The following LRRIQ1 variants were observed in gnomAD, a reference collection of about 807,000 sequenced individuals.
LRRIQ1 encodes the protein leucine-rich repeat- and IQ domain-containing protein 1.
In LRRIQ1, 210 loss-of-function variants were observed where a neutral mutation model predicts 211.9. The observed-to-expected ratio is 0.99, with a 90% CI of 0.89 to 1.11. The LOEUF is 1.11. LRRIQ1 is among the 50% of genes most tolerant of loss of function. LRRIQ1 has a pLI of 0.00. For missense variants in LRRIQ1, 2,136 were observed against 1,939.5 expected, an observed-to-expected ratio of 1.10 and a Z score of -1.90; for synonymous variants, 699 against 650.1, an observed-to-expected ratio of 1.08 and a Z score of -1.14.
chr12:85,126,135 G>T (rs905701356), intron 17 of LRRIQ1, among the ~76,000 whole-genome samples: 22 of 152,142 alleles, frequency 1.4e-4, no homozygotes, highest in Admixed American at 7.2e-4. Context: ...AAACCATAAA[G>T]TCAGCTTCTT....
intron 24 of LRRIQ1, among the ~76,000 whole-genome samples, chr12:85,165,724 C>A (rs1429448691): frequency 6.6e-6 from 1 of 152,098 alleles, no homozygotes; most frequent in East Asian, 1.9e-4. Context: ...CCGCCTTGGC[C>A]TCCCAAAGTG....
chr12:85,259,521 T>A (rs1034690422), intron 1 of LRRIQ1, among the ~76,000 whole-genome samples: 6 of 152,082 alleles, frequency 3.9e-5, no homozygotes, highest in Non-Finnish European at 5.9e-5. Context: ...ATTTATATGA[T>A]AACAAAAAAC....
At chr12:85,164,985 A>G (rs1443027091) in intron 24 of LRRIQ1, among the ~76,000 whole-genome samples, 2 of 152,200 alleles carry the variant, frequency 1.3e-5, no homozygotes, top group Non-Finnish European at 2.9e-5. Context: ...AATATAATTT[A>G]GGATATCATT....
intron 3 of LRRIQ1, among the ~76,000 whole-genome samples, chr12:85,041,596 A>G (rs1007682675): frequency 2.0e-5 from 3 of 151,724 alleles, no homozygotes; most frequent in Non-Finnish European, 4.4e-5. Flanking sequence ...ATATGTTTGA[A>G]TAACAGCAAG....
At chr12:85,072,350 T>G in intron 10 of LRRIQ1, among the ~76,000 whole-genome samples, 1 of 152,014 alleles carries the variant, frequency 6.6e-6, no homozygotes, top group East Asian at 1.9e-4. Context: ...ATGTGGTCAA[T>G]TTTCATGAAT....
At chr12:85,200,674 A>C (rs1258889711) in intron 24 of LRRIQ1, among the ~76,000 whole-genome samples, 1 of 152,078 alleles carries the variant, frequency 6.6e-6, no homozygotes, top group Non-Finnish European at 1.5e-5. Flanking sequence ...ATTTTAGCAA[A>C]AGCCTTTTCT....
At chr12:85,157,196 G>T (rs1772565677) in intron 23 of LRRIQ1, among the ~76,000 whole-genome samples, 1 of 151,870 alleles carries the variant, frequency 6.6e-6, no homozygotes, top group Non-Finnish European at 1.5e-5. Flanking sequence ...AACAAACTGA[G>T]CGAGGAAAGA....
At chr12:85,098,129 A>G (rs1886050275) in intron 11 of LRRIQ1, among the ~76,000 whole-genome samples, 1 of 152,098 alleles carries the variant, frequency 6.6e-6, no homozygotes, top group African/African-American at 2.4e-5. Context: ...GCAATTTTTA[A>G]TTGATAGATA....
intron 19 of LRRIQ1, among the ~76,000 whole-genome samples, chr12:85,149,532 C>A (rs1346820873): frequency 1.3e-5 from 2 of 151,740 alleles, no homozygotes; most frequent in East Asian, 3.9e-4. Flanking sequence ...CTTTATTAAG[C>A]AACAACTGAA....
intron 24 of LRRIQ1, among the ~76,000 whole-genome samples, chr12:85,168,354 G>A (rs1891251604): frequency 6.6e-6 from 1 of 152,102 alleles, no homozygotes; most frequent in East Asian, 1.9e-4. Flanking sequence ...TGAAGTAGTA[G>A]ACTTCATCTT....
intron 11 of LRRIQ1, among the ~76,000 whole-genome samples, chr12:85,079,318 T>C (rs1884024193): frequency 7.2e-6 from 1 of 139,266 alleles, no homozygotes; most frequent in Non-Finnish European, 1.5e-5. Flanking sequence ...GCCTCCCGGG[T>C]TCAAGCAATT....
intron 3 of LRRIQ1, among the ~76,000 whole-genome samples, chr12:85,042,868 A>G (rs578130716): frequency 1.4e-3 from 207 of 152,234 alleles, no homozygotes; most frequent in African/African-American, 4.6e-3. Flanking sequence ...ATTTCAGATC[A>G]AAATTGTACA....
chr12:85,184,172 CTT>C (rs1892119622), intron 24 of LRRIQ1, among the ~76,000 whole-genome samples: 1 of 151,992 alleles, frequency 6.6e-6, no homozygotes, highest in Non-Finnish European at 1.5e-5. Context: ...GACTGAAATT[CTT>C]TCTTTTAAAG....
chr12:85,221,104 G>A (rs868509427), intron 24 of LRRIQ1, among the ~76,000 whole-genome samples: 20 of 152,016 alleles, frequency 1.3e-4, no homozygotes, highest in African/African-American at 4.1e-4. Context: ...GAGCCACCAC[G>A]CCTGGCCTGG....
downstream of LRRIQ1, among the ~76,000 whole-genome samples, chr12:85,268,459 A>C (rs932429912): frequency 1.3e-5 from 2 of 152,000 alleles, no homozygotes; most frequent in African/African-American, 4.8e-5. Context: ...CCCAAAGTGG[A>C]TGCCAGATAA....
At chr12:85,038,051 GTTAAA>G (rs1281570783) in intron 1 of LRRIQ1, 97 bp from the exon 2 acceptor site, 2 of 733,646 alleles carry the variant, frequency 2.7e-6, no homozygotes, top group Non-Finnish European at 1.9e-6. Context: ...ATAAAAGTTT[GTTAAA>G]TTAAAACATA....
chr12:85,262,474 T>C (rs1404708264), intron 1 of LRRIQ1, among the ~76,000 whole-genome samples: 1 of 151,988 alleles, frequency 6.6e-6, no homozygotes, highest in Admixed American at 6.6e-5. Context: ...CAAAAACTCC[T>C]TTTTCTGAAA....
At position 85,244,659 on chromosome 12, in the gene LRRIQ1, G is replaced by A. The variant is rs1004394046; in HGVS notation, c.5017-130G>A. 8.6e-5 allele frequency: 69 copies of A among 804,448 alleles called. No individual in the cohort carries two copies. The African/African-American group carries it at 1.2e-3, about 14-fold the overall frequency. The allele number at this position is 804,448 out of a possible 1,614,324, so 49.8% of individuals were successfully genotyped here. Reference sequence around the variant, plus strand: ...TTTGTTCTGCCTGGGCAGCAATAAAGGATTGTGGTATCATTTTGAAGAAGG... The same window carrying A: ...TTTGTTCTGCCTGGGCAGCAATAAAAGATTGTGGTATCATTTTGAAGAAGG... On this transcript the variant is annotated intron_variant, in intron 26 of 26. Coordinates refer to ENST00000393217, the MANE Select transcript of LRRIQ1 (RefSeq NM_001079910.2).
chr12:85,236,378 G>T (rs1188659538), intron 26 of LRRIQ1, among the ~76,000 whole-genome samples: 1 of 152,036 alleles, frequency 6.6e-6, no homozygotes, highest in African/African-American at 2.4e-5. Flanking sequence ...AATACAGAAA[G>T]ATCTCTTTCA....
Sources: allele counts gnomAD v4.1 joint callset (sites outside exome capture counted in the v4.1 genomes callset), GRCh38; gene constraint gnomAD v4.1.1; transcripts MANE v1.5; gene names NCBI Gene and HGNC (gene_info 2026-07-23, HGNC 2026-07-21).